NEDD9: variants seen among roughly 807,000 people sequenced by gnomAD.
NEDD9 encodes the protein enhancer of filamentation 1.
NEDD9 carries 26 observed loss-of-function variants against 76.6 expected under a neutral mutation model. That is an observed-to-expected ratio of 0.34 (90% CI 0.25 to 0.47). The LOEUF is 0.47. Ranked by LOEUF, NEDD9 falls within the 20% of genes least tolerant of loss-of-function variation. The probability of loss-of-function intolerance (pLI) is 1.00; values close to 1 mark genes in which losing one functional copy is unlikely to be tolerated. For missense variants in NEDD9, 937 were observed against 1,058.5 expected (o/e 0.89, Z 1.59); for synonymous variants, 392 against 414.2 (o/e 0.95, Z 0.65).
intron 1 of NEDD9, among the ~76,000 whole-genome samples, chr6:11,348,298 A>G (rs1278633918): frequency 6.6e-6 from 1 of 152,222 alleles, no homozygotes; most frequent in Non-Finnish European, 1.5e-5. Context: ...AACAAATAGA[A>G]AAATATTCCA....
intron 2 of NEDD9, among the ~76,000 whole-genome samples, chr6:11,324,797 A>T (rs1402322345): frequency 1.3e-5 from 2 of 152,208 alleles, no homozygotes; most frequent in Non-Finnish European, 2.9e-5. Context: ...GGGGAGGGAC[A>T]CTGACAGCCC....
At chr6:11,276,355 G>T (rs1232500233) in intron 3 of NEDD9, among the ~76,000 whole-genome samples, 2 of 152,210 alleles carry the variant, frequency 1.3e-5, no homozygotes. Flanking sequence ...ATGTATGTGT[G>T]CATGCGTGTG....
At chr6:11,201,151 A>T in intron 2 of NEDD9, 2 of 1,311,264 alleles carry the variant, frequency 1.5e-6, no homozygotes, top group South Asian at 1.2e-5. Flanking sequence ...TTGGGCATCC[A>T]CTTCACCTCC....
At chr6:11,269,005 T>A (rs1179013102) in intron 3 of NEDD9, among the ~76,000 whole-genome samples, 1 of 152,232 alleles carries the variant, frequency 6.6e-6, no homozygotes, top group African/African-American at 2.4e-5. Context: ...GTAAAAGTGC[T>A]ATTTTCCTCT....
chr6:11,203,768 T>C (rs1184432084), intron 2 of NEDD9, among the ~76,000 whole-genome samples: 1 of 152,150 alleles, frequency 6.6e-6, no homozygotes, highest in Non-Finnish European at 1.5e-5. Context: ...TGTCAAACAC[T>C]GATTCTCACT....
chr6:11,338,960 C>A (rs989586499), intron 1 of NEDD9, among the ~76,000 whole-genome samples: 10 of 148,928 alleles, frequency 6.7e-5, no homozygotes, highest in African/African-American at 2.2e-4. Context: ...TTGTTATTTT[C>A]TTTTTTCCTA....
chr6:11,232,477 G>T, intron 1 of NEDD9, 27 bp downstream of exon 1: 6 of 1,614,112 alleles, frequency 3.7e-6, no homozygotes, highest in South Asian at 1.1e-5. Flanking sequence ...CAGCTTGCAA[G>T]GTAACCTGTA....
chr6:11,189,069 C>T (rs1330036135), intron 5 of NEDD9, among the ~76,000 whole-genome samples: 1 of 151,980 alleles, frequency 6.6e-6, no homozygotes, highest in Non-Finnish European at 1.5e-5. Flanking sequence ...GCCTCGGCCT[C>T]CCAAGTAGCT....
chr6:11,338,546 A>G (rs1042778178), intron 1 of NEDD9, among the ~76,000 whole-genome samples: 3 of 152,202 alleles, frequency 2.0e-5, no homozygotes, highest in Non-Finnish European at 4.4e-5. Flanking sequence ...CCCTTATTGA[A>G]CTATCATTTT....
chr6:11,261,900 A>G (rs566433987), intron 3 of NEDD9, among the ~76,000 whole-genome samples: 2 of 152,154 alleles, frequency 1.3e-5, no homozygotes, highest in Admixed American at 6.5e-5. Context: ...GATGTGTTAG[A>G]TTCTCGTCTT....
chr6:11,290,259 G>T (rs1760736894), intron 3 of NEDD9, among the ~76,000 whole-genome samples: 1 of 152,178 alleles, frequency 6.6e-6, no homozygotes, highest in Non-Finnish European at 1.5e-5. Flanking sequence ...GTTTTCATGA[G>T]CCACAGCGAC....
chr6:11,258,445 G>A (rs1760047590), intron 3 of NEDD9: 1 of 152,192 alleles, frequency 6.6e-6, no homozygotes, highest in Non-Finnish European at 1.5e-5. Context: ...TTTAAAGGAA[G>A]TGGTTTTGTG....
intron 2 of NEDD9, among the ~76,000 whole-genome samples, chr6:11,330,911 G>A (rs942535693): frequency 2.6e-4 from 39 of 152,154 alleles, no homozygotes; most frequent in South Asian, 4.2e-4. Context: ...TGAGTATTAG[G>A]GCTGTTTTCT....
intron 6 of NEDD9, among the ~76,000 whole-genome samples, chr6:11,187,771 G>A (rs1444678917): frequency 6.6e-6 from 1 of 152,186 alleles, no homozygotes; most frequent in Non-Finnish European, 1.5e-5. Context: ...AGGTGAGAGT[G>A]AAGTAGACTG....
chr6:11,232,557 GAC>G lies in NEDD9; in HGVS notation c.-44_-43del, dbSNP rs1204542036. 9.9e-6 allele frequency: 16 copies of G among 1,613,992 alleles called. No individual in the cohort carries two copies. The highest frequency in any genetic ancestry group is 1.3e-5 in the African/African-American group (1 of 74,948). Reference sequence around the variant, plus strand: ...TGAGCCGTTTTCCTACACTAGTTAAGACAGCATTAAGCACTGCGGTGCCCGCC... The same window carrying G: ...TGAGCCGTTTTCCTACACTAGTTAAGAGCATTAAGCACTGCGGTGCCCGCC... On this transcript the variant is annotated 5_prime_UTR_variant, in exon 1 of 7. The change abolishes the stop of an existing upstream ORF in the 5' untranslated region. Coordinates refer to ENST00000379446, the MANE Select transcript of NEDD9 (RefSeq NM_006403.4).
chr6:11,303,773 C>T lies in NEDD9; in HGVS notation c.12+2219G>A, dbSNP rs1761112780. On this transcript the variant is annotated intron_variant, in intron 3 of 3. Transcript: ENST00000397378. The stretch of plus-strand genomic sequence containing the variant: ...GCTAGCCATATGTAGAAAGCTGAAA[C>T]TGGATCCCTTCTTTACACCGTATAT... 2.0e-5 allele frequency among the ~76,000 whole-genome samples: 3 copies of T among 152,304 alleles called. No homozygotes were observed. In the South Asian group the frequency reaches 6.2e-4, roughly 32 times the overall value.
At chr6:11,246,599 GA>G (rs1303047097) in intron 3 of NEDD9, among the ~76,000 whole-genome samples, 1 of 152,206 alleles carries the variant, frequency 6.6e-6, no homozygotes, top group Non-Finnish European at 1.5e-5. Context: ...AGTGGCATTT[GA>G]AGCTCGAGTG....
At chr6:11,258,292 G>C (rs1417921647) in intron 3 of NEDD9, among the ~76,000 whole-genome samples, 3 of 152,178 alleles carry the variant, frequency 2.0e-5, no homozygotes, top group South Asian at 4.1e-4. Context: ...GGCCACCAAG[G>C]CTTTTACATC....
chr6:11,262,761 T>C (rs1043813477), intron 3 of NEDD9, among the ~76,000 whole-genome samples: 2 of 152,206 alleles, frequency 1.3e-5, no homozygotes, highest in African/African-American at 4.8e-5. Flanking sequence ...GTTAAATACA[T>C]GGAAAATGGG....
Sources: allele counts gnomAD v4.1 joint callset (sites outside exome capture counted in the v4.1 genomes callset), GRCh38; gene constraint gnomAD v4.1.1; transcripts MANE v1.5; gene names NCBI Gene and HGNC (gene_info 2026-07-23, HGNC 2026-07-21).